The following ABCG5 variants were observed in gnomAD, a reference collection of about 807,000 sequenced individuals.
The protein encoded by ABCG5 is ATP binding cassette subfamily G member 5.
Under a neutral mutation model 64.5 loss-of-function variants are expected in ABCG5, and 64 were observed. The ratio of observed to expected loss-of-function variants is 0.99; its 90% CI spans 0.81 to 1.22. The LOEUF (loss-of-function observed/expected upper bound fraction) is 1.22. ABCG5 is among the 50% of genes most tolerant of loss of function. The pLI is 0.00. For missense variants in ABCG5, 908 were observed against 829.5 expected, an observed-to-expected ratio of 1.09 and a Z score of -1.16; for synonymous variants, 385 against 326.3, an observed-to-expected ratio of 1.18 and a Z score of -1.94.
intron 4 of ABCG5, chr2:43,828,393 T>G (rs1455498175): frequency 2.2e-6 from 1 of 464,558 alleles, no homozygotes; most frequent in South Asian, 1.9e-5. Flanking sequence ...CCCAATACTT[T>G]GGAAGGCTGA....
At chr2:43,835,185 C>G (rs945779904) in intron 2 of ABCG5, among the ~76,000 whole-genome samples, 6 of 151,220 alleles carry the variant, frequency 4.0e-5, no homozygotes, top group East Asian at 1.9e-4. Context: ...CCCACTCCCC[C>G]ACCCCAATCA....
chr2:43,824,310 C>T lies in ABCG5; in HGVS notation c.1027G>A (p.Glu343Lys). 1 of 1,614,108 alleles carries T rather than the reference C, an allele frequency of 6.2e-7. No individual in the cohort carries two copies. Among genetic ancestry groups the T allele is most frequent in the East Asian group, 2.2e-5 (1 of 44,884 alleles). The change falls in exon 8 of 13, where the codon GAA becomes AAA. Residue 343 changes from glutamate to lysine, a missense_variant. Coordinates refer to ENST00000405322, the MANE Select transcript of ABCG5 (RefSeq NM_022436.3). The part of the protein sequence containing the change: ...AICHKTLKNI[E>K]RMKHLKTLPM... Reference sequence around the variant, plus strand: ...AACGTTTTCAGGTGTTTCATTCTTTCAATATTCTTCAAAGTTTTATGACAA... The same window carrying T: ...AACGTTTTCAGGTGTTTCATTCTTTTAATATTCTTCAAAGTTTTATGACAA...
chr2:43,827,070 A>G (rs1344467810), intron 5 of ABCG5, among the ~76,000 whole-genome samples: 3 of 152,200 alleles, frequency 2.0e-5, no homozygotes, highest in Admixed American at 2.0e-4. Flanking sequence ...CACGCCTGTA[A>G]TGCCAACACT....
At position 43,813,228 on chromosome 2, in the gene ABCG5, C is replaced by T. The variant is rs762408008; in HGVS notation, c.1844G>A (p.Gly615Asp). The T allele has an allele frequency of 3.7e-6, 6 of 1,613,584 alleles. No homozygotes were observed. Among genetic ancestry groups the T allele is most frequent in the Non-Finnish European group, 5.1e-6 (6 of 1,179,584 alleles). ...GIQFIEKTCP[G>D]ATSRFTMNFL... ...GTTCATTGTGAATCTAGATGTTGCACCTGGGCAGGTTTTCTCAATGAATTG... is the reference window on the plus strand; with the variant it reads ...GTTCATTGTGAATCTAGATGTTGCATCTGGGCAGGTTTTCTCAATGAATTG... Residue 615 changes from glycine (G) to aspartate (D), a missense_variant, in exon 13 of 13, where the codon GGT (glycine) becomes GAT (aspartate). By Grantham distance (94) the Gly-to-Asp change is moderately conservative (BLOSUM62 -1). Transcript: ENST00000405322.
rs1666697577 is a variant in ABCG5, at chr2:43,814,597, AAAAG to A, written c.1650-12_1650-9del. 6.6e-7 allele frequency: 1 copy of A among 1,522,002 alleles called. No individual in the cohort carries two copies. The highest frequency in any genetic ancestry group is 1.1e-5 in the South Asian group (1 of 88,578). The allele number at this position is 1,522,002 out of a possible 1,614,324, so 94.3% of individuals were successfully genotyped here. On this transcript the variant is annotated splice_polypyrimidine_tract_variant and intron_variant, in intron 11 of 12. Coordinates refer to ENST00000405322, the MANE Select transcript of ABCG5 (RefSeq NM_022436.3). ...GGCATTTCTTGTATGTTTCTTAAGA[AAAAG>A]AAAACAAAAATGAAATTCAGTAGGC...
downstream of ABCG5, among the ~76,000 whole-genome samples, chr2:43,812,071 G>T (rs1666506023): frequency 6.6e-6 from 1 of 151,668 alleles, no homozygotes; most frequent in Non-Finnish European, 1.5e-5. Flanking sequence ...TAGAGACAGG[G>T]TCTTGCTCTG....
At chr2:43,823,300 C>T (rs1470032681) in intron 9 of ABCG5, among the ~76,000 whole-genome samples, 1 of 131,108 alleles carries the variant, frequency 7.6e-6, no homozygotes, top group Non-Finnish European at 1.7e-5. Flanking sequence ...CCACCACCAG[C>T]AGCCTGCATT....
chr2:43,836,188 G>A lies in ABCG5; in HGVS notation c.265+1646C>T, dbSNP rs189255190. Among the ~76,000 whole-genome samples, 1,356 of 151,994 alleles carry A rather than the reference G, an allele frequency of 8.9e-3. 26 individuals are homozygous for A. The highest frequency in any genetic ancestry group is 0.031 in the African/African-American group (1,280 of 41,446). On this transcript the variant is annotated intron_variant, in intron 2 of 12. Transcript: ENST00000405322. ...ATTCCTGACCTCAAGTGATCCGCCC[G>A]CCTCTGCCTCCCAAAGTGCTGGGAT...
chr2:43,823,286 G>A (rs972357691), intron 9 of ABCG5, among the ~76,000 whole-genome samples: 2 of 81,118 alleles, frequency 2.5e-5, no homozygotes, highest in Admixed American at 1.3e-4. Flanking sequence ...ACCCCACCCC[G>A]CCCCCACCAC....
downstream of ABCG5, among the ~76,000 whole-genome samples, chr2:43,808,553 C>CAAGGA (rs1666356599): frequency 6.6e-6 from 1 of 152,146 alleles, no homozygotes; most frequent in African/African-American, 2.4e-5. Flanking sequence ...AAGAGGCATC[C>CAAGGA]CCTTAGATGG....
Position 43,826,446 on chromosome 2 carries a change from T to G in ABCG5, c.710A>C (p.Glu237Ala). 6.2e-7 allele frequency: 1 copy of G among 1,614,142 alleles called. No individual in the cohort carries two copies. Among genetic ancestry groups the G allele is most frequent in the South Asian group, 1.1e-5 (1 of 91,082 alleles). The change falls in exon 6 of 13, where the codon GAA becomes GCA. Residue 237 changes from glutamate to alanine, a missense_variant. Coordinates refer to ENST00000405322, the MANE Select transcript of ABCG5 (RefSeq NM_022436.3). ...CACAATTCGGTTCCTGCGAGCCAGT[T>G]CCACCAGGAGGACGACAATCTGATT... ...TANQIVVLLV[E>A]LARRNRIVVL...
Position 43,825,047 on chromosome 2 carries a change from G to C in ABCG5, c.775-29C>G, listed in dbSNP as rs146842360. Reference sequence around the variant, plus strand: ...ACCAGACAACAGACGTAGTTAGTGTGTGATCACAAGGGTAGCGATGCACTT... The same window carrying C: ...ACCAGACAACAGACGTAGTTAGTGTCTGATCACAAGGGTAGCGATGCACTT... On this transcript the variant is annotated intron_variant, in intron 6 of 12. Coordinates refer to ENST00000405322, the MANE Select transcript of ABCG5 (RefSeq NM_022436.3). 5.5e-5 allele frequency: 89 copies of C among 1,611,790 alleles called. No homozygotes were observed. In the African/African-American group the frequency reaches 1.0e-3, roughly 19 times the overall value.
Position 43,823,987 on chromosome 2 carries a change from T to C in ABCG5, c.1250A>G (p.Gln417Arg), listed in dbSNP as rs1044958111. The C allele has an allele frequency of 7.4e-6, 12 of 1,614,072 alleles. No homozygotes were observed. The African/African-American group carries it at 1.2e-4, about 16-fold the overall frequency. ...CTGGTAAAGGAGACCTACGCGGTCC[T>C]GGATAGCACCCTTTAGCACATTGCT... Reference protein sequence around the residue: ...VRSNVLKGAIQDRVGLLYQFV... With the variant: ...VRSNVLKGAIRDRVGLLYQFV... Residue 417 changes from glutamine (Q) to arginine (R), a missense_variant, in exon 9 of 13, where the codon CAG becomes CGG. Gln to Arg is a conservative substitution (Grantham distance 43). Transcript: ENST00000405322.
chr2:43,815,962 G>A (rs1347930161), intron 11 of ABCG5, among the ~76,000 whole-genome samples: 1 of 150,334 alleles, frequency 6.7e-6, no homozygotes, highest in Non-Finnish European at 1.5e-5. Context: ...ACTATGAGAT[G>A]ACAAAGGCCT....
intron 12 of ABCG5, among the ~76,000 whole-genome samples, chr2:43,814,060 C>G (rs1666662926): frequency 6.6e-6 from 1 of 152,132 alleles, no homozygotes. Flanking sequence ...CTTGGTTCTA[C>G]TTCCATCTGG....
chr2:43,831,916 G>C lies in ABCG5; in HGVS notation c.402+31C>G, dbSNP rs751645524. On this transcript the variant is annotated intron_variant, in intron 3 of 12. Transcript: ENST00000405322. ...GTAGCCTAAGCCCCCGGGGCGGGCGGGGGGGCCAGGGGTGTGGGGGACGCG... is the reference window on the plus strand; with the variant it reads ...GTAGCCTAAGCCCCCGGGGCGGGCGCGGGGGCCAGGGGTGTGGGGGACGCG... The C allele has an allele frequency of 6.5e-6, 10 of 1,547,662 alleles. No individual in the cohort carries two copies. The East Asian group carries it at 1.2e-4, about 19-fold the overall frequency.
At position 43,814,565 on chromosome 2, in the gene ABCG5, A is replaced by C. The variant is rs1167408784; in HGVS notation, c.1674T>G (p.Pro558=). The C allele has an allele frequency of 6.2e-7, 1 of 1,602,684 alleles. No individual in the cohort carries two copies. Among genetic ancestry groups the C allele is most frequent in the Non-Finnish European group, 8.5e-7 (1 of 1,170,390 alleles). Residue 558 remains proline, a synonymous_variant, in exon 12 of 13, where the codon CCT becomes CCG. Coordinates refer to ENST00000405322, the MANE Select transcript of ABCG5 (RefSeq NM_022436.3). Reference sequence around the variant, plus strand: ...ATGTAAAATAACTGATGATTTTAAAAGGAATGGGCATTTCTTGTATGTTTC... The same window carrying C: ...ATGTAAAATAACTGATGATTTTAAACGGAATGGGCATTTCTTGTATGTTTC... ...FLRNIQEMPI[P]FKIISYFTFQ...
chr2:43,815,117 G>A (rs1453172885), intron 11 of ABCG5, among the ~76,000 whole-genome samples: 2 of 152,154 alleles, frequency 1.3e-5, no homozygotes, highest in Admixed American at 1.3e-4. Flanking sequence ...AAAGTTGAAG[G>A]TACCAACGTA....
chr2:43,810,384 C>T, downstream of ABCG5: 3 of 985,352 alleles, frequency 3.0e-6, no homozygotes, highest in Non-Finnish European at 3.6e-6. Context: ...AGAACAGGCA[C>T]ATCTAAGGAG....
Sources: allele counts gnomAD v4.1 joint callset (sites outside exome capture counted in the v4.1 genomes callset), GRCh38; gene constraint gnomAD v4.1.1; transcripts MANE v1.5; gene names NCBI Gene and HGNC (gene_info 2026-07-23, HGNC 2026-07-21).